The following SLC39A11 variants were observed in gnomAD, a reference collection of about 807,000 sequenced individuals.
SLC39A11 encodes the protein solute carrier family 39 member 11.
In SLC39A11, 33 loss-of-function variants were observed where a neutral mutation model predicts 36.1. The ratio of observed to expected loss-of-function variants is 0.91; its 90% CI spans 0.69 to 1.22. The LOEUF (loss-of-function observed/expected upper bound fraction) is 1.22, where lower values mean the gene tolerates loss of function less well. SLC39A11 is among the 50% of genes most tolerant of loss of function. SLC39A11 has a pLI of 0.00. For missense variants in SLC39A11, 432 were observed against 430.3 expected (o/e 1.00, Z -0.03); for synonymous variants, 166 against 170.3 (o/e 0.97, Z 0.20).
intron 7 of SLC39A11, among the ~76,000 whole-genome samples, chr17:72,689,314 ATTGT>A (rs1380087978): frequency 2.0e-5 from 3 of 152,212 alleles, no homozygotes; most frequent in Non-Finnish European, 4.4e-5. Flanking sequence ...CTTGAAAGTA[ATTGT>A]TTGAAAGCGT....
At chr17:72,791,575 A>G (rs986217168) in intron 6 of SLC39A11, among the ~76,000 whole-genome samples, 2 of 152,306 alleles carry the variant, frequency 1.3e-5, no homozygotes, top group Admixed American at 1.3e-4. Flanking sequence ...CTTTATAGAC[A>G]TTATTTCATT....
intron 5 of SLC39A11, among the ~76,000 whole-genome samples, chr17:72,857,353 T>C (rs1356462690): frequency 6.6e-6 from 1 of 152,230 alleles, no homozygotes; most frequent in Admixed American, 6.5e-5. Flanking sequence ...ATGGTATATA[T>C]GTACCATATT....
intron 6 of SLC39A11, among the ~76,000 whole-genome samples, chr17:72,832,593 A>G (rs2078332957): frequency 6.6e-6 from 1 of 152,242 alleles, no homozygotes; most frequent in Admixed American, 6.5e-5. Flanking sequence ...ACCTAGAAGT[A>G]CATTTAGGTG....
intron 5 of SLC39A11, among the ~76,000 whole-genome samples, chr17:72,859,609 A>C (rs2079846979): frequency 6.6e-6 from 1 of 151,036 alleles, no homozygotes; most frequent in Non-Finnish European, 1.5e-5. Flanking sequence ...ACTGCACTCT[A>C]CCCTGAGAGC....
chr17:73,030,132 A>G (rs1389193607), intron 4 of SLC39A11, among the ~76,000 whole-genome samples: 1 of 152,226 alleles, frequency 6.6e-6, no homozygotes, highest in African/African-American at 2.4e-5. Flanking sequence ...TTGAGAATCT[A>G]ATGCCACGGC....
intron 6 of SLC39A11, among the ~76,000 whole-genome samples, chr17:72,746,893 A>C (rs12450858): frequency 0.17 from 25,353 of 151,866 alleles, 2,331 homozygotes; most frequent in African/African-American, 0.23. Flanking sequence ...CCACACACAA[A>C]AAAATTGGCT....
chr17:72,861,688 TAA>T (rs1555605494), intron 5 of SLC39A11, among the ~76,000 whole-genome samples: 1 of 88,800 alleles, frequency 1.1e-5, no homozygotes, highest in Admixed American at 1.2e-4. Context: ...TATATATATA[TAA>T]AATATATATA....
At chr17:73,086,986 G>A (rs927699953) in intron 2 of SLC39A11, among the ~76,000 whole-genome samples, 2 of 151,900 alleles carry the variant, frequency 1.3e-5, no homozygotes, top group Non-Finnish European at 2.9e-5. Context: ...AACCTGGGAA[G>A]CAGAGGTTGC....
intron 6 of SLC39A11, among the ~76,000 whole-genome samples, chr17:72,843,762 T>C (rs905302559): frequency 6.6e-6 from 1 of 152,174 alleles, no homozygotes; most frequent in African/African-American, 2.4e-5. Flanking sequence ...TGTGAGATGG[T>C]GTATAGCTCT....
At chr17:73,056,108 C>T (rs1201176319) in intron 3 of SLC39A11, among the ~76,000 whole-genome samples, 1 of 152,154 alleles carries the variant, frequency 6.6e-6, no homozygotes, top group Non-Finnish European at 1.5e-5. Flanking sequence ...CCGTGAGGTC[C>T]CATCTTCCCC....
At chr17:72,882,799 T>TTTTTTTTTTTTCTTTTTC (rs1555614364) in intron 5 of SLC39A11, among the ~76,000 whole-genome samples, 14,732 of 86,580 alleles carry the variant, frequency 0.17, 1,656 homozygotes, top group African/African-American at 0.36. Flanking sequence ...GAATGCTTCT[T>TTTTTTTTTTTTCTTTTTC]TTTTTTTTTT....
chr17:72,701,743 A>G (rs867603243), intron 7 of SLC39A11, among the ~76,000 whole-genome samples: 61 of 150,216 alleles, frequency 4.1e-4, no homozygotes, highest in South Asian at 4.2e-4. Flanking sequence ...AAAAAAAAAA[A>G]AAAGAAAAAG....
intron 3 of SLC39A11, among the ~76,000 whole-genome samples, chr17:73,043,472 A>G (rs1327508400): frequency 6.6e-6 from 1 of 152,216 alleles, no homozygotes; most frequent in Non-Finnish European, 1.5e-5. Context: ...TTGCCAGGGC[A>G]GGGGTATGGA....
intron 5 of SLC39A11, among the ~76,000 whole-genome samples, chr17:72,927,402 A>G (rs897889163): frequency 2.6e-5 from 4 of 152,318 alleles, no homozygotes; most frequent in African/African-American, 9.6e-5. Context: ...AAGCATTTCC[A>G]AGCCTGTTGT....
chr17:73,080,221 AC>A (rs2060466600), intron 3 of SLC39A11, among the ~76,000 whole-genome samples: 7 of 152,278 alleles, frequency 4.6e-5, no homozygotes, highest in Admixed American at 4.6e-4. Context: ...GCATCACACT[AC>A]CCAACTTGAA....
rs183644775 is a variant in SLC39A11, at chr17:72,693,333, G to A, written c.671+43317C>T. Reference sequence around the variant, plus strand: ...TGACCAGCCAGCAAGCTCACGGTCTGGGAAACTTCCTTTCCTCTCTCCTCC... The same window carrying A: ...TGACCAGCCAGCAAGCTCACGGTCTAGGAAACTTCCTTTCCTCTCTCCTCC... On this transcript the variant is annotated intron_variant, in intron 7 of 9. Transcript: ENST00000255559. Among the ~76,000 whole-genome samples, 153 of 151,726 alleles carry A rather than the reference G, an allele frequency of 1.0e-3. 2 individuals are homozygous for A. The Middle Eastern group carries it at 0.014, about 14-fold the overall frequency.
intron 4 of SLC39A11, among the ~76,000 whole-genome samples, chr17:72,950,262 CCT>C (rs1283955472): frequency 6.6e-6 from 1 of 152,352 alleles, no homozygotes; most frequent in East Asian, 1.9e-4. Flanking sequence ...GCCTCCTGCC[CCT>C]GTTTGAGCTA....
At chr17:72,719,658 G>A (rs531623786) in intron 7 of SLC39A11, among the ~76,000 whole-genome samples, 1 of 152,184 alleles carries the variant, frequency 6.6e-6, no homozygotes, top group Non-Finnish European at 1.5e-5. Context: ...CCAGTGCCCG[G>A]GAAAGCCGCA....
At chr17:72,863,034 A>C (rs1433604530) in intron 5 of SLC39A11, among the ~76,000 whole-genome samples, 1 of 152,228 alleles carries the variant, frequency 6.6e-6, no homozygotes, top group Non-Finnish European at 1.5e-5. Flanking sequence ...CAGTAGACCC[A>C]GGCAGGGCTT....
Sources: gnomAD v4.1 joint callset for allele counts (sites outside exome capture counted in the v4.1 genomes callset) on GRCh38, gnomAD v4.1.1 for gene constraint, MANE v1.5 for transcripts, NCBI Gene and HGNC (gene_info 2026-07-23, HGNC 2026-07-21) for gene names.